The following BAIAP2 variants were observed in gnomAD, a reference collection of about 807,000 sequenced individuals.
The protein encoded by BAIAP2 is BAR/IMD domain-containing adapter protein 2.
A neutral mutation model predicts 63.0 loss-of-function variants in BAIAP2; 18 were observed. The observed-to-expected ratio is 0.29, with a 90% CI of 0.20 to 0.42. BAIAP2 has a LOEUF of 0.42. Ranked by LOEUF, BAIAP2 falls within the 10% of genes least tolerant of loss-of-function variation. BAIAP2 has a pLI of 1.00. For missense variants in BAIAP2, 610 were observed against 734.3 expected (o/e 0.83, Z 1.96); for synonymous variants, 386 against 307.6 (o/e 1.25, Z -2.67).
intron 3 of BAIAP2, among the ~76,000 whole-genome samples, chr17:81,078,248 G>A (rs1381854475): frequency 7.0e-5 from 9 of 127,718 alleles, no homozygotes; most frequent in African/African-American, 1.5e-4. Flanking sequence ...TACGGGTGCC[G>A]TATTGGGTGG....
chr17:81,076,024 G>A (rs535028946), intron 3 of BAIAP2, among the ~76,000 whole-genome samples: 127 of 151,622 alleles, frequency 8.4e-4, no homozygotes, highest in African/African-American at 2.9e-3. Flanking sequence ...CCTCTTGCTA[G>A]TAATCCTGAG....
Position 81,108,467 on chromosome 17 carries a change from G to T in BAIAP2, c.1501-8G>T, listed in dbSNP as rs1568189908. 2 of 1,613,784 alleles carry T rather than the reference G, an allele frequency of 1.2e-6. No individual in the cohort carries two copies. Among genetic ancestry groups the T allele is most frequent in the South Asian group, 1.1e-5 (1 of 91,090 alleles). On this transcript the variant is annotated splice_polypyrimidine_tract_variant and splice_region_variant and intron_variant, in intron 12 of 13. Transcript: ENST00000428708. ...CCCGGCCTGACATGTTTCTGCCTCTGCCCCCAGGGCCTGGATGACTATGGA... is the reference window on the plus strand; with the variant it reads ...CCCGGCCTGACATGTTTCTGCCTCTTCCCCCAGGGCCTGGATGACTATGGA...
intron 13 of BAIAP2, among the ~76,000 whole-genome samples, chr17:81,114,769 G>T (rs1192655399): frequency 6.6e-6 from 1 of 152,138 alleles, no homozygotes; most frequent in East Asian, 1.9e-4. Flanking sequence ...CCCAGGGTTT[G>T]CTTCCGGCTG....
chr17:81,064,362 G>A (rs1018931309), intron 3 of BAIAP2, among the ~76,000 whole-genome samples: 8 of 152,224 alleles, frequency 5.3e-5, no homozygotes, highest in South Asian at 4.1e-4. Context: ...ACGAGGATTC[G>A]GCTGCACTGA....
intron 1 of BAIAP2, among the ~76,000 whole-genome samples, chr17:81,052,401 A>G (rs181243224): frequency 5.3e-5 from 8 of 152,316 alleles, no homozygotes; most frequent in African/African-American, 1.7e-4. Flanking sequence ...GCTAGCACGC[A>G]AAGGCGCCCT....
rs764624777 is a variant in BAIAP2 at position 81,104,258 on chromosome 17, C to T, written c.1066+150C>T. ...TACCTACATGCATGTGGTACACACA[C>T]GTGTGCCTGCCCAGCATCCAGCTCC... On this transcript the variant is annotated intron_variant, in intron 9 of 13. Coordinates refer to ENST00000428708, the MANE Select transcript of BAIAP2 (RefSeq NM_001144888.2). The T allele has an allele frequency of 9.1e-5, 84 of 923,572 alleles. 2 individuals are homozygous for T. Among genetic ancestry groups the T allele is most frequent in the South Asian group, 3.0e-4 (18 of 60,510 alleles). 57.2% of individuals were successfully genotyped at this position (923,572 alleles called of 1,614,324 possible).
Position 81,042,125 on chromosome 17 carries a change from T to TTTTC in BAIAP2, c.54+6820_54+6821insCTTT, listed in dbSNP as rs1568059608. ...TCCATTTTTGTTACTGGCACTTTTT[T>TTTTC]TTTTCTTTTCTTTTTTCTTTTTTTT... On this transcript the variant is annotated intron_variant, in intron 1 of 13. Transcript: ENST00000428708. 7.4e-4 allele frequency among the ~76,000 whole-genome samples: 106 copies of TTTTC among 143,572 alleles called. 2 individuals are homozygous for TTTTC. The highest frequency in any genetic ancestry group is 2.4e-3 in the African/African-American group (91 of 38,694). 94.2% of individuals were successfully genotyped at this position (143,572 alleles called of 152,430 possible).
At chr17:81,054,648 G>A (rs1568082727) in intron 2 of BAIAP2, among the ~76,000 whole-genome samples, 1 of 152,154 alleles carries the variant, frequency 6.6e-6, no homozygotes, top group Admixed American at 6.5e-5. Flanking sequence ...CTTCGGGTTT[G>A]AGAAATGAGC....
At chr17:81,073,806 G>C (rs973947666) in intron 3 of BAIAP2, among the ~76,000 whole-genome samples, 2 of 152,130 alleles carry the variant, frequency 1.3e-5, no homozygotes, top group Admixed American at 1.3e-4. Flanking sequence ...AAGTGTGAGG[G>C]GCTCTTCTAG....
chr17:81,050,728 T>C (rs138747735), intron 1 of BAIAP2, among the ~76,000 whole-genome samples: 1 of 17,420 alleles, frequency 5.7e-5, no homozygotes, highest in Admixed American at 4.2e-4. Context: ...CGCACACAAA[T>C]GTGCACATGC....
At chr17:81,040,307 G>A (rs117213844) in intron 1 of BAIAP2, among the ~76,000 whole-genome samples, 7,913 of 152,326 alleles carry the variant, frequency 0.052, 313 homozygotes, top group Admixed American at 0.12. Context: ...GGCGGCCGGC[G>A]CCGTCAGCCG....
At chr17:81,045,343 C>G (rs776583127) in intron 1 of BAIAP2, among the ~76,000 whole-genome samples, 1 of 152,210 alleles carries the variant, frequency 6.6e-6, no homozygotes, top group East Asian at 1.9e-4. Context: ...CCGTGTGGCC[C>G]TTCCCACAGG....
At chr17:81,083,970 G>T (rs1368201713) in intron 3 of BAIAP2, 4 of 152,206 alleles carry the variant, frequency 2.6e-5, no homozygotes, top group African/African-American at 7.2e-5. Flanking sequence ...CCACATCAGG[G>T]TAGCCCAGAC....
intron 6 of BAIAP2, chr17:81,086,889 C>T (rs542741399): frequency 1.3e-4 from 36 of 278,036 alleles, no homozygotes; most frequent in Non-Finnish European, 2.1e-4. Flanking sequence ...CCCGGGAGTC[C>T]GGTCCCAGTT....
At chr17:81,037,747 T>C (rs1012390150) in intron 1 of BAIAP2, among the ~76,000 whole-genome samples, 3 of 152,264 alleles carry the variant, frequency 2.0e-5, no homozygotes, top group African/African-American at 7.2e-5. Flanking sequence ...TCACCCGCGA[T>C]GCGGCTCAGC....
chr17:81,103,092 G>A (rs776753944), intron 7 of BAIAP2, among the ~76,000 whole-genome samples: 20 of 152,156 alleles, frequency 1.3e-4, no homozygotes, highest in Non-Finnish European at 1.9e-4. Context: ...TCCTGCCCTC[G>A]GCAGCCAGGC....
In BAIAP2 at chr17:81,106,741, A is replaced by C. The variant is rs745550312; in HGVS notation, c.1338-4A>C. 4 of 1,612,548 alleles carry C rather than the reference A, an allele frequency of 2.5e-6. No homozygotes were observed. The highest frequency in any genetic ancestry group is 3.4e-6 in the Non-Finnish European group (4 of 1,179,762). On this transcript the variant is annotated splice_polypyrimidine_tract_variant and splice_region_variant and intron_variant, in intron 11 of 13. Transcript: ENST00000428708. ...GGGCCGCCTCTGAGTCCCTGTCCCT[A>C]CAGCCTGCAGCAAGGGAAGAGCAGC...
At chr17:81,075,317 G>C (rs9893831) in intron 3 of BAIAP2, among the ~76,000 whole-genome samples, 139,210 of 152,266 alleles carry the variant, frequency 0.91, 64,175 homozygotes, top group East Asian at 1. Flanking sequence ...CCCTTCCCCT[G>C]TGCTTCTGGT....
intron 3 of BAIAP2, among the ~76,000 whole-genome samples, chr17:81,059,769 C>T (rs2050224454): frequency 6.6e-6 from 1 of 152,164 alleles, no homozygotes; most frequent in Non-Finnish European, 1.5e-5. Context: ...CATTGTCTTA[C>T]CATAATTAAC....
Sources: gnomAD v4.1 joint callset for allele counts (sites outside exome capture counted in the v4.1 genomes callset) on GRCh38, gnomAD v4.1.1 for gene constraint, MANE v1.5 for transcripts, NCBI Gene and HGNC (gene_info 2026-07-23, HGNC 2026-07-21) for gene names.